Variants in NDUFAF7 observed in about 807,000 individuals in gnomAD.
NDUFAF7 encodes the protein NADH:ubiquinone oxidoreductase complex assembly factor 7, also known as protein arginine methyltransferase NDUFAF7, mitochondrial.
Under a neutral mutation model 47.2 loss-of-function variants are expected in NDUFAF7, and 48 were observed. That is an observed-to-expected ratio of 1.02 (90% confidence interval 0.81 to 1.29). NDUFAF7 has a LOEUF of 1.29. Ranked by LOEUF, NDUFAF7 falls within the 50% of genes most tolerant of loss-of-function variation. NDUFAF7 has a pLI of 0.00. For synonymous variants in NDUFAF7, 217 were observed against 190.0 expected, an observed-to-expected ratio of 1.14 and a Z score of -1.17; for missense variants, 635 against 537.6, an observed-to-expected ratio of 1.18 and a Z score of -1.79.
chr2:37,253,098 C>CA, downstream of NDUFAF7: 1 of 1,386,384 alleles, frequency 7.2e-7, no homozygotes, highest in African/African-American at 1.4e-5. Context: ...CTGCAGATGA[C>CA]AATCTACAAA....
At chr2:37,240,727 G>T in intron 4 of NDUFAF7, among the ~76,000 whole-genome samples, 1 of 152,122 alleles carries the variant, frequency 6.6e-6, no homozygotes, top group Admixed American at 6.5e-5. Context: ...TGCTTTTCCA[G>T]ACTGAGTCAT....
intron 3 of NDUFAF7, 34 bp downstream of exon 3, chr2:37,236,210 T>C (rs912118674): frequency 6.7e-7 from 1 of 1,490,380 alleles, no homozygotes; most frequent in Non-Finnish European, 9.4e-7. Flanking sequence ...ATGAAGCTAA[T>C]ATAAACATTT....
the NDUFAF7 span, chr2:37,259,751 T>G: frequency 9.4e-7 from 1 of 1,067,160 alleles, no homozygotes; most frequent in Admixed American, 2.0e-5. Flanking sequence ...ACTCCTTGAA[T>G]GATTTAATTT....
the NDUFAF7 span, chr2:37,268,102 A>G: frequency 3.2e-6 from 1 of 313,246 alleles, no homozygotes; most frequent in Non-Finnish European, 6.3e-6. Flanking sequence ...TGTACTAGGT[A>G]TGCCTTTAGA....
chr2:37,262,307 T>C, the NDUFAF7 span, among the ~76,000 whole-genome samples: 1 of 152,214 alleles, frequency 6.6e-6, no homozygotes, highest in Non-Finnish European at 1.5e-5. Context: ...TAGTTTCCAC[T>C]GTATTGTAAT....
At chr2:37,265,195 A>T in the NDUFAF7 span, among the ~76,000 whole-genome samples, 1 of 152,130 alleles carries the variant, frequency 6.6e-6, no homozygotes, top group Non-Finnish European at 1.5e-5. Context: ...AAAGATGGAA[A>T]AGGAAAGATG....
At chr2:37,261,661 TC>T in the NDUFAF7 span, among the ~76,000 whole-genome samples, 5 of 141,198 alleles carry the variant, frequency 3.5e-5, no homozygotes, top group Admixed American at 7.1e-5. Flanking sequence ...AAGCCTGTAA[TC>T]CCAGCTACTC....
chr2:37,266,238 GTTTCTT>G, the NDUFAF7 span, among the ~76,000 whole-genome samples: 1 of 152,182 alleles, frequency 6.6e-6, no homozygotes, highest in Non-Finnish European at 1.5e-5. Flanking sequence ...AATCATTTAA[GTTTCTT>G]ACCTTCTTCA....
chr2:37,233,319 G>A (rs1665383689), intron 2 of NDUFAF7, among the ~76,000 whole-genome samples: 1 of 152,212 alleles, frequency 6.6e-6, no homozygotes, highest in Admixed American at 6.5e-5. Flanking sequence ...TAGAAAGTAG[G>A]CAATTCGCTG....
At chr2:37,256,890 C>T (rs1428165349), downstream of NDUFAF7, 2 of 1,613,984 alleles carry the variant, frequency 1.2e-6, no homozygotes, top group Non-Finnish European at 1.7e-6. Context: ...AATGACTTTT[C>T]ACCAATGATG....
chr2:37,232,285 G>T lies in NDUFAF7; in HGVS notation c.216+19G>T, dbSNP rs1399344531. On this transcript the variant is annotated intron_variant, in intron 2 of 9. Transcript: ENST00000002125. The stretch of plus-strand genomic sequence containing the variant: ...AGCCAAGGTATGGGTCGGGTAGCCC[G>T]AGGACTAGGCCCTCTCTAGCCGATT... 9 of 1,612,116 alleles carry T rather than the reference G, an allele frequency of 5.6e-6. No individual in the cohort carries two copies. Among genetic ancestry groups the T allele is most frequent in the Non-Finnish European group, 7.6e-6 (9 of 1,179,892 alleles).
the NDUFAF7 span, among the ~76,000 whole-genome samples, chr2:37,271,127 A>G: frequency 2.0e-5 from 3 of 152,228 alleles, no homozygotes; most frequent in Non-Finnish European, 4.4e-5. Context: ...TACATGTTAG[A>G]GAACTATAAC....
chr2:37,264,600 G>A, the NDUFAF7 span, among the ~76,000 whole-genome samples: 1 of 152,110 alleles, frequency 6.6e-6, no homozygotes, highest in African/African-American at 2.4e-5. Context: ...AAATCCTGAC[G>A]GAGACAAGGG....
At chr2:37,243,739 T>A in intron 6 of NDUFAF7, 124 bp from the exon 7 acceptor site, 2 of 725,664 alleles carry the variant, frequency 2.8e-6, no homozygotes, top group Non-Finnish European at 4.9e-6. Context: ...TAAGTAATTT[T>A]AAATAGTAAG....
intron 1 of NDUFAF7, 26 bp downstream of exon 1, chr2:37,231,786 G>T (rs750531140): frequency 6.2e-7 from 1 of 1,613,884 alleles, no homozygotes; most frequent in Non-Finnish European, 8.5e-7. Context: ...CTCGAAGCCC[G>T]GTTGCCGTGG....
the NDUFAF7 span, among the ~76,000 whole-genome samples, chr2:37,263,220 A>C: frequency 3.3e-5 from 5 of 152,266 alleles, 1 homozygote; most frequent in African/African-American, 1.2e-4. Flanking sequence ...TATATGCAGT[A>C]TTTTCAGGTT....
chr2:37,249,583 A>G (rs1667297209), downstream of NDUFAF7, among the ~76,000 whole-genome samples: 1 of 139,802 alleles, frequency 7.2e-6, no homozygotes, highest in Non-Finnish European at 1.6e-5. Context: ...ACACACACAC[A>G]CACACACACA....
At chr2:37,234,290 C>T (rs6743463) in intron 2 of NDUFAF7, among the ~76,000 whole-genome samples, 1,757 of 152,138 alleles carry the variant, frequency 0.012, 28 homozygotes, top group African/African-American at 0.04. Context: ...TCGGGTTTTG[C>T]CTTGTTGGCC....
At chr2:37,231,869 C>T (rs942628617) in intron 1 of NDUFAF7, 109 bp downstream of exon 1, 1 of 1,583,200 alleles carries the variant, frequency 6.3e-7, no homozygotes, top group African/African-American at 1.3e-5. Context: ...GGGCTCACTT[C>T]CACCTTGAAG....
Sources: gnomAD v4.1 joint callset for allele counts (sites outside exome capture counted in the v4.1 genomes callset) on GRCh38, gnomAD v4.1.1 for gene constraint, MANE v1.5 for transcripts, NCBI Gene and HGNC (gene_info 2026-07-23, HGNC 2026-07-21) for gene names.